Variants in BRD3 observed in about 807,000 individuals in gnomAD.
The protein encoded by BRD3 is bromodomain-containing protein 3.
BRD3 carries 17 observed loss-of-function variants against 66.8 expected under a neutral mutation model. The ratio of observed to expected loss-of-function variants is 0.25; its 90% CI spans 0.17 to 0.38. The LOEUF is 0.38. BRD3 is among the 10% of genes least tolerant of loss of function. BRD3 has a pLI of 1.00. For synonymous variants in BRD3, 421 were observed against 393.2 expected (o/e 1.07, Z -0.84); for missense variants, 713 against 956.1 (o/e 0.75, Z 3.35).
chr9:134,038,031 C>CCAA (rs1194970132), intron 9 of BRD3, among the ~76,000 whole-genome samples: 1 of 152,206 alleles, frequency 6.6e-6, no homozygotes, highest in Admixed American at 6.5e-5. Flanking sequence ...TAAAAACCTT[C>CCAA]CAACAATCAA....
intron 9 of BRD3, among the ~76,000 whole-genome samples, chr9:134,037,720 AC>A (rs902317070): frequency 5.3e-5 from 8 of 152,150 alleles, no homozygotes; most frequent in African/African-American, 1.9e-4. Flanking sequence ...TTTTTTAAAA[AC>A]ATCAATGAAA....
At chr9:134,053,122 GGACTTCCTGAGGCACAGGCT>G in intron 2 of BRD3, 123 bp downstream of exon 2, 1 of 920,526 alleles carries the variant, frequency 1.1e-6, no homozygotes, top group Non-Finnish European at 1.7e-6. Flanking sequence ...TCTGTGCTGT[GGACTTCCTGAGGCACAGGCT>G]GTCCCCAGCT....
chr9:134,059,365 G>C (rs949786965), intron 1 of BRD3, among the ~76,000 whole-genome samples: 9 of 152,246 alleles, frequency 5.9e-5, no homozygotes, highest in Admixed American at 1.3e-4. Flanking sequence ...TCATGCGATG[G>C]GGAATAAGCC....
intron 11 of BRD3, 177 bp downstream of exon 11, chr9:134,034,524 A>G: frequency 1.2e-6 from 1 of 859,842 alleles, no homozygotes; most frequent in Non-Finnish European, 1.7e-6. Context: ...TTGGGGTATG[A>G]CCCCCAGTGA....
At chr9:134,047,969 C>T (rs1183242954) in intron 6 of BRD3, 114 bp downstream of exon 6, 24 of 1,379,304 alleles carry the variant, frequency 1.7e-5, no homozygotes, top group South Asian at 1.7e-4. Flanking sequence ...TGCGCTTCTC[C>T]GGCAAGCGAG....
rs200772069 is a variant in BRD3 at position 134,045,271 on chromosome 9, C to T, written c.1215+22G>A. On this transcript the variant is annotated intron_variant, in intron 7 of 11. Transcript: ENST00000303407. The surrounding 1 kb of genome is among the most constrained non-coding windows in gnomAD (Gnocchi z 4.8). Reference sequence around the variant, plus strand: ...CACAGCACTGAGCTGAGCAGCCCCACCCGTGCCCAGCCTCGGGTTACCTGG... The same window carrying T: ...CACAGCACTGAGCTGAGCAGCCCCATCCGTGCCCAGCCTCGGGTTACCTGG... 119 of 1,612,620 alleles carry T rather than the reference C, an allele frequency of 7.4e-5. No homozygotes were observed. Among genetic ancestry groups the T allele is most frequent in the Non-Finnish European group, 9.9e-5 (117 of 1,179,708 alleles).
rs544961904 is a variant in BRD3, at chr9:134,065,316, T to C, written c.-114+2629A>G. ...GCGGACGCCTGTAATCCCAGCTACT[T>C]GGGAGGCTGAAGCAGGAGAATTGCT... On this transcript the variant is annotated intron_variant, in intron 1 of 11. Transcript: ENST00000303407. Among the ~76,000 whole-genome samples the C allele has an allele frequency of 3.5e-4, 53 of 152,004 alleles. 1 individual carries two copies. The South Asian group carries it at 6.0e-3, about 17-fold the overall frequency.
rs1843520217 is a variant in BRD3, at chr9:134,032,144, C to T, written c.*1446G>A. ...TGGGCCAGTTTGGGACATCCCCGTA[C>T]TCAAAGACCATATGGCAGCCTCTGG... On this transcript the variant is annotated 3_prime_UTR_variant, in exon 12 of 12. Transcript: ENST00000303407. 1 of 217,594 alleles carries T rather than the reference C, an allele frequency of 4.6e-6. No homozygotes were observed. Among genetic ancestry groups the T allele is most frequent in the Non-Finnish European group, 9.2e-6 (1 of 108,240 alleles). The allele number at this position is 217,594 out of a possible 1,614,324, so 13.5% of individuals were successfully genotyped here. A position where few individuals can be genotyped will look rare whatever the true frequency, so the allele number is the denominator to read the frequency against.
chr9:134,048,205 T>A lies in BRD3; in HGVS notation c.964A>T (p.Met322Leu). The change falls in exon 6 of 12, where the codon ATG becomes TTG. Residue 322 changes from methionine to leucine, a missense_variant. Coordinates refer to ENST00000303407, the MANE Select transcript of BRD3 (RefSeq NM_007371.4). ...TAGGCCGCGTGCTTCTTGGATAGCA[T>A]CTCCCTGAGGATGCTGTCGCAGTAG... ...LRYCDSILREMLSKKHAAYAW... is the reference protein window; with the variant it reads ...LRYCDSILRELLSKKHAAYAW... The A allele has an allele frequency of 6.2e-7, 1 of 1,612,884 alleles. No homozygotes were observed.
At chr9:134,042,774 CAT>C (rs1394984292) in intron 7 of BRD3, among the ~76,000 whole-genome samples, 7 of 125,766 alleles carry the variant, frequency 5.6e-5, no homozygotes, top group South Asian at 2.9e-4. Flanking sequence ...TACACACACA[CAT>C]ATATATACAC....
chr9:134,065,738 A>G (rs532026383), intron 1 of BRD3, among the ~76,000 whole-genome samples: 59 of 152,312 alleles, frequency 3.9e-4, no homozygotes, highest in Non-Finnish European at 7.2e-4. Context: ...CCCACTTGGG[A>G]AACCCTGAGC....
chr9:134,052,036 G>A (rs1375075806), intron 3 of BRD3, among the ~76,000 whole-genome samples: 1 of 151,932 alleles, frequency 6.6e-6, no homozygotes, highest in Non-Finnish European at 1.5e-5. Context: ...GATTACAGGT[G>A]CCTGCCACCA....
At chr9:134,066,666 G>T (rs1015125846) in intron 1 of BRD3, among the ~76,000 whole-genome samples, 3 of 152,324 alleles carry the variant, frequency 2.0e-5, no homozygotes, top group African/African-American at 2.4e-5. Context: ...CTTCTCACAG[G>T]GTAGGGCGGG....
chr9:134,048,268 G>A lies in BRD3; in HGVS notation c.901C>T (p.His301Tyr), dbSNP rs777255345. ...GACAGCTTGCCCTTCTTGCCTGCGTGCTGGGGCACCTCGCCGTCCTCCAGG... is the reference window on the plus strand; with the variant it reads ...GACAGCTTGCCCTTCTTGCCTGCGTACTGGGGCACCTCGCCGTCCTCCAGG... ...KDLEDGEVPQ[H>Y]AGKKGKLSEH... The change falls in exon 6 of 12, where the codon CAC (histidine) becomes TAC (tyrosine). Residue 301 changes from histidine (H) to tyrosine (Y), a missense_variant. His to Tyr is a moderately conservative substitution (Grantham distance 83, BLOSUM62 2). Coordinates refer to ENST00000303407, the MANE Select transcript of BRD3 (RefSeq NM_007371.4). The A allele has an allele frequency of 6.2e-7, 1 of 1,609,596 alleles. No individual in the cohort carries two copies. The highest frequency in any genetic ancestry group is 1.1e-5 in the South Asian group (1 of 90,928).
rs200271220 is a variant in BRD3 at position 134,040,103 on chromosome 9, G to A, written c.1574C>T (p.Pro525Leu). ...AEEEKKAKVA[P>L]PAKQAQQKKA... ...CTTCTGCTGAGCCTGCTTGGCAGGC[G>A]GAGCCACCTTGGCCTTCTTCTCTTC... Residue 525 changes from proline to leucine, a missense_variant, in exon 9 of 12, where the codon CCG becomes CTG. Physicochemically the swap from Pro to Leu is moderately conservative, Grantham distance 98. Around this residue, in one of 5 missense-constraint regions of BRD3, gnomAD observed 418 missense variants for 609.3 expected, o/e 0.69. Coordinates refer to ENST00000303407, the MANE Select transcript of BRD3 (RefSeq NM_007371.4). 61 of 1,582,752 alleles carry A rather than the reference G, an allele frequency of 3.9e-5. No homozygotes were observed. Among genetic ancestry groups the A allele is most frequent in the East Asian group, 4.6e-5 (2 of 43,156 alleles).
At chr9:134,040,356 G>A (rs1288978410) in intron 8 of BRD3, 87 bp from the exon 9 acceptor site, 9 of 1,443,054 alleles carry the variant, frequency 6.2e-6, no homozygotes, top group Non-Finnish European at 8.4e-6. Flanking sequence ...AGGGGGCTTG[G>A]GGCGATGTCG....
intron 7 of BRD3, 35 bp from the exon 8 acceptor site, chr9:134,041,986 G>GCCCATGGGGCTGCCCCGAAGACATGGA (rs1830059811): frequency 6.6e-7 from 1 of 1,520,428 alleles, no homozygotes; most frequent in Non-Finnish European, 8.8e-7. Flanking sequence ...GAAGACATGG[G>GCCCATGGGGCTGCCCCGAAGACATGGA]TGCCCATGGG....
At chr9:134,060,803 C>T (rs915934695) in intron 1 of BRD3, among the ~76,000 whole-genome samples, 27 of 152,196 alleles carry the variant, frequency 1.8e-4, no homozygotes, top group African/African-American at 6.5e-4. Context: ...CTCACCCTTG[C>T]TGTGTGGCCC....
chr9:134,040,894 T>G (rs1279640554), intron 8 of BRD3, among the ~76,000 whole-genome samples: 5 of 152,052 alleles, frequency 3.3e-5, no homozygotes, highest in African/African-American at 1.2e-4. Flanking sequence ...CGCCTCGCCC[T>G]CCCCACTGCA....
Sources: allele counts gnomAD v4.1 joint callset (sites outside exome capture counted in the v4.1 genomes callset), GRCh38; gene constraint gnomAD v4.1.1; regional missense constraint gnomAD v4.1.1; non-coding constraint Gnocchi (gnomAD v3.1); transcripts MANE v1.5; gene names NCBI Gene and HGNC (gene_info 2026-07-23, HGNC 2026-07-21).